GUSB: variants seen among roughly 807,000 people sequenced by gnomAD.
GUSB encodes the protein beta-glucuronidase.
In GUSB, 51 loss-of-function variants were observed where a neutral mutation model predicts 74.6. The observed-to-expected ratio is 0.68, with a 90% confidence interval of 0.55 to 0.86. GUSB has a LOEUF of 0.86. GUSB is among the 40% of genes least tolerant of loss of function. The pLI, the probability that GUSB is intolerant of heterozygous loss-of-function variation, is 0.00. For missense variants in GUSB, 736 were observed against 853.7 expected (o/e 0.86, Z 1.72); for synonymous variants, 360 against 348.3 (o/e 1.03, Z -0.37).
rs556095901 is a variant in GUSB, at chr7:65,968,967, G to A, written c.1477-1060C>T. ...CCAGAAAAGTCACTCCAAGGAGCAG[G>A]GCGGTGACGACCGAGTAGGACCACC... On this transcript the variant is annotated intron_variant, in intron 9 of 11. Transcript: ENST00000304895. Among the ~76,000 whole-genome samples, 27 of 152,290 alleles carry A rather than the reference G, an allele frequency of 1.8e-4. No individual in the cohort carries two copies. The South Asian group carries it at 3.1e-3, about 18-fold the overall frequency.
chr7:65,978,095 C>A (rs945800665), intron 4 of GUSB, among the ~76,000 whole-genome samples: 1 of 152,128 alleles, frequency 6.6e-6, no homozygotes, highest in Non-Finnish European at 1.5e-5. Context: ...CAGGCATGAG[C>A]CACCGCGCCC....
At chr7:65,977,272 G>A (rs1791646577) in intron 4 of GUSB, among the ~76,000 whole-genome samples, 1 of 152,044 alleles carries the variant, frequency 6.6e-6, no homozygotes, top group Non-Finnish European at 1.5e-5. Flanking sequence ...CACCTCCCGG[G>A]TTCAAACAAT....
chr7:65,979,744 G>A lies in GUSB; in HGVS notation c.564C>T (p.Tyr188=). 1.2e-6 allele frequency: 2 copies of A among 1,613,780 alleles called. No individual in the cohort carries two copies. Among genetic ancestry groups the A allele is most frequent in the Non-Finnish European group, 1.7e-6 (2 of 1,179,960 alleles). Residue 188 remains tyrosine, a synonymous_variant, in exon 3 of 12, where the codon TAC becomes TAT. Coordinates refer to ENST00000304895, the MANE Select transcript of GUSB (RefSeq NM_000181.4). ...PTTLPPGTIQ[Y]LTDTSKYPKG... ...GTACCCACTTGGAGGTGTCAGTCAGGTATTGGATGGTCCCTGGTGGCAGGG... is the reference window on the plus strand; with the variant it reads ...GTACCCACTTGGAGGTGTCAGTCAGATATTGGATGGTCCCTGGTGGCAGGG...
At position 65,974,419 on chromosome 7, in the gene GUSB, G is replaced by A. The variant is rs773334034; in HGVS notation, c.1267C>T (p.Leu423=). Residue 423 remains leucine, a synonymous_variant, in exon 8 of 12, where the codon CTG becomes TTG. Coordinates refer to ENST00000304895, the MANE Select transcript of GUSB (RefSeq NM_000181.4). Reference sequence around the variant, plus strand: ...TCCATCACCTGCATGTGGTGATGCAGAGAAACGTTGTTGAAGAACTGCCTG... The same window carrying A: ...TCCATCACCTGCATGTGGTGATGCAAAGAAACGTTGTTGAAGAACTGCCTG... ...ALPQFFNNVS[L]HHHMQVMEEV... 6.2e-7 allele frequency: 1 copy of A among 1,614,196 alleles called. No individual in the cohort carries two copies. The highest frequency in any genetic ancestry group is 8.5e-7 in the Non-Finnish European group (1 of 1,180,042).
rs1333649404 is a variant in GUSB at position 65,974,705 on chromosome 7, C to A, written c.1066-1G>T. On this transcript the variant is annotated splice_acceptor_variant, in intron 6 of 11. Transcript: ENST00000304895. LOFTEE classifies it high-confidence loss of function. ...GCCAGTCGAAGCCCTTCCCTCGGAT[C>A]TAGGAGATAGCAGAGCCAAGTGACC... 1.2e-6 allele frequency: 2 copies of A among 1,612,686 alleles called. No individual in the cohort carries two copies. The highest frequency in any genetic ancestry group is 3.3e-5 in the Admixed American group (2 of 60,010).
At chr7:65,971,301 G>A (rs892710351) in intron 8 of GUSB, among the ~76,000 whole-genome samples, 5 of 152,302 alleles carry the variant, frequency 3.3e-5, no homozygotes, top group South Asian at 2.1e-4. Context: ...GAGTGGAGAC[G>A]CATGCAGAGA....
At chr7:65,980,617 G>A in intron 1 of GUSB, 2 of 604,800 alleles carry the variant, frequency 3.3e-6, no homozygotes, top group South Asian at 1.9e-5. Flanking sequence ...CCTCCTCAGA[G>A]TGGATGGGGC....
intron 11 of GUSB, 61 bp from the exon 12 acceptor site, chr7:65,961,124 A>T: frequency 6.8e-7 from 1 of 1,476,222 alleles, no homozygotes; most frequent in Non-Finnish European, 9.5e-7. Flanking sequence ...TCAAGTTAGA[A>T]CCAGTCTGGA....
At chr7:65,966,102 G>A (rs550339011) in intron 10 of GUSB, among the ~76,000 whole-genome samples, 1 of 152,044 alleles carries the variant, frequency 6.6e-6, no homozygotes, top group East Asian at 1.9e-4. Context: ...CCAGGGAGGT[G>A]GACATTGCAG....
In GUSB at chr7:65,979,808, C is replaced by T. The variant is rs1028594511; in HGVS notation, c.500G>A (p.Arg167Gln). ...TGTGTTGTTGATGGCGATAGTGATT[C>T]GGAGCCGGGAGGGCAGGGGCCCCAC... is the stretch of plus-strand genomic sequence containing the variant. Reference protein sequence around the residue: ...VQVGPLPSRLRITIAINNTLT... With the variant: ...VQVGPLPSRLQITIAINNTLT... The change falls in exon 3 of 12, where the codon CGA becomes CAA. Residue 167 changes from arginine (R) to glutamine (Q), a missense_variant. Physicochemically the swap from Arg to Gln is conservative, Grantham distance 43. Transcript: ENST00000304895. The T allele has an allele frequency of 1.1e-5, 18 of 1,613,754 alleles. No individual in the cohort carries two copies. Among genetic ancestry groups the T allele is most frequent in the Admixed American group, 1.7e-5 (1 of 60,012 alleles).
chr7:65,973,293 A>C (rs1166024606), intron 8 of GUSB, among the ~76,000 whole-genome samples: 4 of 152,126 alleles, frequency 2.6e-5, no homozygotes, highest in Non-Finnish European at 5.9e-5. Context: ...TCTCTACTGA[A>C]AAATGCAAAA....
At chr7:65,974,203 A>G in intron 8 of GUSB, 92 bp downstream of exon 8, 2 of 1,259,812 alleles carry the variant, frequency 1.6e-6, no homozygotes, top group South Asian at 2.5e-5. Context: ...GCTGGACACG[A>G]GGCCGATCTT....
chr7:65,977,911 C>T (rs918523489), intron 4 of GUSB, among the ~76,000 whole-genome samples: 2 of 152,036 alleles, frequency 1.3e-5, no homozygotes, highest in South Asian at 2.1e-4. Context: ...CCCAGGTTCA[C>T]GCCATTCTCC....
chr7:65,979,739 G>A lies in GUSB; in HGVS notation c.569C>T (p.Thr190Ile), dbSNP rs1235744934. 1 of 1,613,784 alleles carries A rather than the reference G, an allele frequency of 6.2e-7. No homozygotes were observed. Among genetic ancestry groups the A allele is most frequent in the East Asian group, 2.2e-5 (1 of 44,874 alleles). Residue 190 changes from threonine to isoleucine, a missense_variant, in exon 3 of 12, where the codon ACT becomes ATT. Thr to Ile is a moderately conservative substitution (Grantham distance 89). Coordinates refer to ENST00000304895, the MANE Select transcript of GUSB (RefSeq NM_000181.4). ...TLPPGTIQYLTDTSKYPKGYF... is the reference protein window; with the variant it reads ...TLPPGTIQYLIDTSKYPKGYF... ...GGATGGTACCCACTTGGAGGTGTCA[G>A]TCAGGTATTGGATGGTCCCTGGTGG...
rs892356229 is a variant in GUSB at position 65,981,719 on chromosome 7, C to T, written c.210+255G>A. On this transcript the variant is annotated intron_variant, in intron 1 of 11. Transcript: ENST00000304895. ...AAAATAAATATTGAAAGGAAGGATA[C>T]TGCACAGACTCAGCCTTTACCTCGG... 4 of 431,542 alleles carry T rather than the reference C, an allele frequency of 9.3e-6. No individual in the cohort carries two copies. In the South Asian group the frequency reaches 1.7e-4, roughly 19 times the overall value. The allele number at this position is 431,542 out of a possible 1,614,324, so 26.7% of individuals were successfully genotyped here.
At chr7:65,963,252 G>A (rs1254218875) in intron 11 of GUSB, among the ~76,000 whole-genome samples, 1 of 152,154 alleles carries the variant, frequency 6.6e-6, no homozygotes, top group African/African-American at 2.4e-5. Flanking sequence ...GTGCCACGCA[G>A]AGGACAGCTT....
chr7:65,963,732 G>T (rs929889565), intron 11 of GUSB, among the ~76,000 whole-genome samples: 1 of 152,106 alleles, frequency 6.6e-6, no homozygotes, highest in African/African-American at 2.4e-5. Context: ...TTTTTGTAGA[G>T]ATGGGGTCTT....
In GUSB at chr7:65,979,542, C is replaced by G; in HGVS notation, c.582-1G>C. 6.2e-7 allele frequency: 1 copy of G among 1,614,086 alleles called. No homozygotes were observed. The highest frequency in any genetic ancestry group is 8.5e-7 in the Non-Finnish European group (1 of 1,179,984). On this transcript the variant is annotated splice_acceptor_variant, in intron 3 of 11. Transcript: ENST00000304895. LOFTEE classifies it high-confidence loss of function. The stretch of plus-strand genomic sequence containing the variant: ...CTGGACAAAGTAACCCTTGGGATAC[C>G]TAGGATGGGAGGACTGTGGTTTGCT...
At chr7:65,964,780 G>A (rs1326388003) in intron 10 of GUSB, among the ~76,000 whole-genome samples, 1 of 152,148 alleles carries the variant, frequency 6.6e-6, no homozygotes, top group Non-Finnish European at 1.5e-5. Flanking sequence ...GCAAAAATAT[G>A]TCTTTCAGTC....
Sources: allele counts gnomAD v4.1 joint callset (sites outside exome capture counted in the v4.1 genomes callset), GRCh38; gene constraint gnomAD v4.1.1; transcripts MANE v1.5; gene names NCBI Gene and HGNC (gene_info 2026-07-23, HGNC 2026-07-21).